Variants in TMEM132B observed in about 807,000 individuals in gnomAD.
TMEM132B encodes transmembrane protein 132B.
A neutral mutation model predicts 90.8 loss-of-function variants in TMEM132B; 18 were observed. That is an observed-to-expected ratio of 0.20 (90% CI 0.14 to 0.29). The LOEUF is 0.29. Ranked by LOEUF, TMEM132B falls within the 10% of genes least tolerant of loss-of-function variation. TMEM132B has a pLI of 1.00. For synonymous variants in TMEM132B, 504 were observed against 523.3 expected (o/e 0.96, Z 0.50); for missense variants, 1,096 against 1,326.8 (o/e 0.83, Z 2.70).
chr12:125,201,709 A>G (rs1308666680), intron 1 of TMEM132B, among the ~76,000 whole-genome samples: 1 of 152,246 alleles, frequency 6.6e-6, no homozygotes, highest in Non-Finnish European at 1.5e-5. Context: ...AATGGGGAGA[A>G]GAGGAACTCC....
chr12:125,601,517 G>T (rs1010631139), intron 5 of TMEM132B, among the ~76,000 whole-genome samples: 1 of 152,144 alleles, frequency 6.6e-6, no homozygotes, highest in Non-Finnish European at 1.5e-5. Flanking sequence ...AACCTAGAAA[G>T]ATCTCAAATC....
In TMEM132B at chr12:125,350,336, A is replaced by G; in HGVS notation, c.952A>G (p.Thr318Ala). 6.2e-7 allele frequency: 1 copy of G among 1,610,506 alleles called. No homozygotes were observed. The highest frequency in any genetic ancestry group is 8.5e-7 in the Non-Finnish European group (1 of 1,178,602). Reference protein sequence around the residue: ...LTSSSVADQFTLRIKAAAGVK... With the variant: ...LTSSSVADQFALRIKAAAGVK... ...CAGTAGCTCTGTGGCAGACCAGTTC[A>G]CTCTTAGGTAAGAGGCTTTGCCAGG... The change falls in exon 2 of 9, where the codon ACT (threonine) becomes GCT (alanine). Residue 318 changes from threonine to alanine, a missense_variant. Thr to Ala is a moderately conservative substitution (Grantham distance 58). Coordinates refer to ENST00000682704, the MANE Select transcript of TMEM132B (RefSeq NM_001366854.1).
intron 5 of TMEM132B, among the ~76,000 whole-genome samples, chr12:125,640,710 C>T (rs918539033): frequency 7.2e-5 from 11 of 151,920 alleles, no homozygotes; most frequent in African/African-American, 1.5e-4. Flanking sequence ...GTGCAAGAGG[C>T]GGTCCCTTTC....
At chr12:125,267,948 A>C (rs1032508834) in intron 1 of TMEM132B, among the ~76,000 whole-genome samples, 1 of 152,112 alleles carries the variant, frequency 6.6e-6, no homozygotes, top group African/African-American at 2.4e-5. Context: ...TCTACTCTAA[A>C]GGCTGCTATG....
intron 1 of TMEM132B, among the ~76,000 whole-genome samples, chr12:125,231,038 C>T (rs1000147977): frequency 6.6e-6 from 1 of 152,130 alleles, no homozygotes; most frequent in African/African-American, 2.4e-5. Context: ...ATTCTGGAGG[C>T]CAGAATTCAG....
intron 1 of TMEM132B, among the ~76,000 whole-genome samples, chr12:125,296,824 A>G (rs1463152741): frequency 3.3e-5 from 5 of 152,196 alleles, no homozygotes; most frequent in Non-Finnish European, 7.4e-5. Flanking sequence ...AGGACTCCTC[A>G]GGCTCCTTGT....
intron 1 of TMEM132B, among the ~76,000 whole-genome samples, chr12:125,250,086 G>A (rs931675071): frequency 1.3e-5 from 2 of 152,226 alleles, no homozygotes; most frequent in African/African-American, 2.4e-5. Context: ...TTGGCTCTGC[G>A]TCACCCTGGG....
Position 125,661,768 on chromosome 12 carries a change from C to G in TMEM132B, c.*7058C>G, listed in dbSNP as rs2286290. ...ATTAAGTCATAAGGAAATGATCAAA[C>G]CTAGGGAAAAATAAGTGGCTATAAA... On this transcript the variant is annotated 3_prime_UTR_variant, in exon 9 of 9. Coordinates refer to ENST00000682704, the MANE Select transcript of TMEM132B (RefSeq NM_001366854.1). The G allele has an allele frequency of 2.0e-5, 3 of 152,038 alleles. No homozygotes were observed. Among genetic ancestry groups the G allele is most frequent in the African/African-American group, 7.2e-5 (3 of 41,396 alleles). 9.4% of individuals were successfully genotyped at this position (152,038 alleles called of 1,614,324 possible).
At chr12:125,325,585 G>A (rs969603148) in intron 1 of TMEM132B, among the ~76,000 whole-genome samples, 26 of 151,916 alleles carry the variant, frequency 1.7e-4, no homozygotes, top group African/African-American at 6.0e-4. Context: ...GGAAACATGG[G>A]GCCTCCATTT....
chr12:125,267,462 G>T (rs1324659670), intron 1 of TMEM132B, among the ~76,000 whole-genome samples: 2 of 152,232 alleles, frequency 1.3e-5, no homozygotes, highest in Admixed American at 6.5e-5. Flanking sequence ...GACCTTGTGT[G>T]TTGGGGGGTT....
Position 125,593,739 on chromosome 12 carries a change from T to C in TMEM132B, c.1437+9745T>C, listed in dbSNP as rs150617650. On this transcript the variant is annotated intron_variant, in intron 5 of 8. Coordinates refer to ENST00000682704, the MANE Select transcript of TMEM132B (RefSeq NM_001366854.1). ...GATGCTTGAAAAAATGTCAGCTTCA[T>C]ATTCAAGTTCATTTGGTTTCCTGAA... is the stretch of plus-strand genomic sequence containing the variant. Among the ~76,000 whole-genome samples the C allele has an allele frequency of 5.6e-3, 854 of 152,328 alleles. 11 individuals are homozygous for C. The highest frequency in any genetic ancestry group is 0.019 in the African/African-American group (773 of 41,582).
rs1181675429 is a variant in TMEM132B at position 125,238,386 on chromosome 12, AC to A, written c.67+51522del. The stretch of plus-strand genomic sequence containing the variant: ...AAAACCAAAAAAAAAACAAAAAAAA[AC>A]CAAAAAAACAAAAACGCAGTCTCAG... On this transcript the variant is annotated intron_variant, in intron 1 of 8. Coordinates refer to ENST00000682704, the MANE Select transcript of TMEM132B (RefSeq NM_001366854.1). 4.0e-4 allele frequency among the ~76,000 whole-genome samples: 57 copies of A among 142,040 alleles called. No homozygotes were observed. The Middle Eastern group carries it at 0.011, about 28-fold the overall frequency. The allele number at this position is 142,040 out of a possible 152,430, so 93.2% of individuals were successfully genotyped here. A position where few individuals can be genotyped will look rare whatever the true frequency, so the allele number is the denominator to read the frequency against.
At position 125,349,455 on chromosome 12, in the gene TMEM132B, C is replaced by G; in HGVS notation, c.71C>G (p.Thr24Arg). Residue 24 changes from threonine to arginine, a missense_variant, in exon 2 of 9, where the codon ACA (threonine) becomes AGA (arginine). By Grantham distance (71) the Thr-to-Arg change is moderately conservative (BLOSUM62 -1). Transcript: ENST00000682704. The surrounding 1 kb of genome is among the most constrained non-coding windows in gnomAD (Gnocchi z 4.1). ...LALTALQCPV[T>R]ESRGIVDSLQ... is the part of the protein sequence containing the mutation. ...TTTGCTTTCCTTTCTTGTGCAGTGA[C>G]AGAGAGTCGAGGGATTGTGGATAGC... is the stretch of plus-strand genomic sequence containing the variant. 6.2e-7 allele frequency: 1 copy of G among 1,604,678 alleles called. No individual in the cohort carries two copies. The highest frequency in any genetic ancestry group is 8.5e-7 in the Non-Finnish European group (1 of 1,175,014).
intron 5 of TMEM132B, among the ~76,000 whole-genome samples, chr12:125,607,070 A>G (rs189486754): frequency 1.3e-5 from 2 of 152,310 alleles, no homozygotes; most frequent in East Asian, 3.9e-4. Context: ...AGTCTCTTGC[A>G]GGGTGAGCTC....
chr12:125,659,851 A>G lies in TMEM132B; in HGVS notation c.*5141A>G, dbSNP rs1452991022. Reference sequence around the variant, plus strand: ...TCCTGCCTCTAAACTATTGGCAGCAAAAGAGCCAAAAATGTGCTCCCAGGT... The same window carrying G: ...TCCTGCCTCTAAACTATTGGCAGCAGAAGAGCCAAAAATGTGCTCCCAGGT... On this transcript the variant is annotated 3_prime_UTR_variant, in exon 9 of 9. Coordinates refer to ENST00000682704, the MANE Select transcript of TMEM132B (RefSeq NM_001366854.1). 2 of 152,212 alleles carry G rather than the reference A, an allele frequency of 1.3e-5. No individual in the cohort carries two copies. Among genetic ancestry groups the G allele is most frequent in the East Asian group, 3.9e-4 (2 of 5,190 alleles). 9.4% of individuals were successfully genotyped at this position (152,212 alleles called of 1,614,324 possible).
chr12:125,639,117 G>C (rs1371540483), intron 5 of TMEM132B, among the ~76,000 whole-genome samples: 1 of 152,124 alleles, frequency 6.6e-6, no homozygotes, highest in Non-Finnish European at 1.5e-5. Flanking sequence ...ATCTGGCTCT[G>C]ATCTTTATTT....
At chr12:125,286,521 TAAA>T (rs1875361202) in intron 1 of TMEM132B, among the ~76,000 whole-genome samples, 1 of 151,924 alleles carries the variant, frequency 6.6e-6, no homozygotes, top group Non-Finnish European at 1.5e-5. Context: ...ATTAGTATAA[TAAA>T]ATAATAAATA....
At chr12:125,421,536 C>T (rs990062885) in intron 3 of TMEM132B, among the ~76,000 whole-genome samples, 3 of 152,224 alleles carry the variant, frequency 2.0e-5, no homozygotes, top group Non-Finnish European at 4.4e-5. Context: ...CTGGGTCCCT[C>T]TCACAACACA....
chr12:125,459,327 A>G lies in TMEM132B; in HGVS notation c.1106+43650A>G, dbSNP rs938749324. The stretch of plus-strand genomic sequence containing the variant: ...CTGCTGCCTCCCACTGTTATCCTGC[A>G]TGCTTGTCTAGGGTCTTGCTGACGA... On this transcript the variant is annotated intron_variant, in intron 3 of 8. Coordinates refer to ENST00000682704, the MANE Select transcript of TMEM132B (RefSeq NM_001366854.1). This position sits in a 1 kb window ranked among gnomAD's most constrained non-coding sequence, Gnocchi z 4.1. Among the ~76,000 whole-genome samples, 5 of 152,210 alleles carry G rather than the reference A, an allele frequency of 3.3e-5. No homozygotes were observed. The highest frequency in any genetic ancestry group is 3.9e-4 in the East Asian group (2 of 5,192).
Sources: gnomAD v4.1 joint callset for allele counts (sites outside exome capture counted in the v4.1 genomes callset) on GRCh38, gnomAD v4.1.1 for gene constraint, Gnocchi (gnomAD v3.1) non-coding constraint, MANE v1.5 for transcripts, NCBI Gene and HGNC (gene_info 2026-07-23, HGNC 2026-07-21) for gene names.